AGO2: variants seen among roughly 807,000 people sequenced by gnomAD.
AGO2 encodes the protein argonaute RISC catalytic component 2.
AGO2 carries 5 observed loss-of-function variants against 102.3 expected under a neutral mutation model. The ratio of observed to expected loss-of-function variants is 0.05; its 90% CI spans 0.03 to 0.10. The LOEUF is 0.10. AGO2 is among the 10% of genes least tolerant of loss of function. The pLI is 1.00. For missense variants in AGO2, 541 were observed against 1,183.7 expected, an observed-to-expected ratio of 0.46 and a Z score of 7.97; for synonymous variants, 449 against 473.1, an observed-to-expected ratio of 0.95 and a Z score of 0.66.
intron 1 of AGO2, among the ~76,000 whole-genome samples, chr8:140,590,864 G>A (rs2073737704): frequency 1.3e-5 from 2 of 152,198 alleles, no homozygotes; most frequent in Non-Finnish European, 1.5e-5. Context: ...TTGCCCTGGG[G>A]ACAGATCCTG....
At chr8:140,638,198 GGGCTGACAAAGCCCTC>G (rs2074422317), upstream of AGO2, 1 of 152,286 alleles carries the variant, frequency 6.6e-6, no homozygotes, top group Non-Finnish European at 1.5e-5. Flanking sequence ...TGAGGCCACA[GGGCTGACAAAGCCCTC>G]GGCTTTGGGG....
chr8:140,535,284 C>A, intron 17 of AGO2, 184 bp downstream of exon 17: 1 of 601,876 alleles, frequency 1.7e-6, no homozygotes, highest in Non-Finnish European at 2.9e-6. Context: ...TGCTGACCCA[C>A]CCCCCAGGCC....
intron 1 of AGO2, among the ~76,000 whole-genome samples, chr8:140,588,898 G>A (rs1311944487): frequency 1.3e-5 from 2 of 152,218 alleles, no homozygotes; most frequent in Admixed American, 6.5e-5. Flanking sequence ...TCACTGAATC[G>A]GCATCACTCA....
intron 11 of AGO2, among the ~76,000 whole-genome samples, chr8:140,550,004 G>C (rs2072969224): frequency 6.6e-6 from 1 of 152,220 alleles, no homozygotes; most frequent in Non-Finnish European, 1.5e-5. Flanking sequence ...ATCAGGTCAA[G>C]AAACACGTGT....
In AGO2 at chr8:140,557,143, G is replaced by A. The variant is rs368528659; in HGVS notation, c.972C>T (p.His324=). The change falls in exon 8 of 19, where the codon CAC becomes CAT. Residue 324 remains histidine, a synonymous_variant. Transcript: ENST00000220592. This position sits in a 1 kb window ranked among gnomAD's most constrained non-coding sequence, Gnocchi z 5.9. ...DRHKLVLRYP[H]LPCLQVGQEQ... is the part of the protein sequence containing the mutation. ...CCTGTCCGACTTGTAAACATGGGAG[G>A]TGGGGGTAGCGCAGAACCAACTTGT... The A allele has an allele frequency of 1.2e-6, 2 of 1,614,126 alleles. No individual in the cohort carries two copies. The highest frequency in any genetic ancestry group is 8.5e-7 in the Non-Finnish European group (1 of 1,180,010).
At chr8:140,547,778 G>A (rs910442262) in intron 12 of AGO2, 151 bp from the exon 13 acceptor site, 3 of 1,176,368 alleles carry the variant, frequency 2.6e-6, no homozygotes, top group South Asian at 3.3e-5. Flanking sequence ...TCTGTCCGAG[G>A]TCGGTGATAG....
At position 140,632,010 on chromosome 8, in the gene AGO2, G is replaced by A. The variant is rs1275567879; in HGVS notation, c.22+3475C>T. ...TAAAACTCAAATGTTATGTTTTGAA[G>A]ATTCACAGTAACGATTCGTGAAACA... On this transcript the variant is annotated intron_variant, in intron 1 of 18. Coordinates refer to ENST00000220592, the MANE Select transcript of AGO2 (RefSeq NM_012154.5). Among the ~76,000 whole-genome samples, 3 of 152,162 alleles carry A rather than the reference G, an allele frequency of 2.0e-5. No homozygotes were observed. The East Asian group carries it at 5.8e-4, about 29-fold the overall frequency.
At chr8:140,631,241 A>G (rs751401423) in intron 1 of AGO2, among the ~76,000 whole-genome samples, 7 of 152,176 alleles carry the variant, frequency 4.6e-5, no homozygotes, top group Admixed American at 2.6e-4. Context: ...TCTGAAGAAA[A>G]GAGATTTTAA....
chr8:140,575,175 C>T (rs944451812), intron 2 of AGO2, among the ~76,000 whole-genome samples: 14 of 152,104 alleles, frequency 9.2e-5, no homozygotes, highest in East Asian at 1.9e-4. Context: ...CCCCGAAGGC[C>T]GTCAGCATGG....
chr8:140,558,971 G>A (rs898700350), intron 6 of AGO2, among the ~76,000 whole-genome samples: 3 of 152,286 alleles, frequency 2.0e-5, no homozygotes, highest in East Asian at 3.9e-4. Context: ...AGGACCCCGG[G>A]TAAGTCCTAG....
At chr8:140,585,974 T>C (rs2073648802) in intron 1 of AGO2, among the ~76,000 whole-genome samples, 1 of 152,226 alleles carries the variant, frequency 6.6e-6, no homozygotes, top group South Asian at 2.1e-4. Context: ...TTGAATTATT[T>C]GCTTTTTTGT....
intron 13 of AGO2, among the ~76,000 whole-genome samples, chr8:140,546,573 C>T (rs1419437093): frequency 1.3e-5 from 2 of 152,220 alleles, no homozygotes; most frequent in Non-Finnish European, 2.9e-5. Context: ...TCTGTGACGG[C>T]GTGCCAGTGA....
At chr8:140,632,599 G>A (rs1256916576) in intron 1 of AGO2, among the ~76,000 whole-genome samples, 3 of 152,110 alleles carry the variant, frequency 2.0e-5, no homozygotes, top group Non-Finnish European at 4.4e-5. Context: ...AATATCCTGG[G>A]GGCAGGCAAT....
intron 17 of AGO2, among the ~76,000 whole-genome samples, chr8:140,533,433 C>T (rs145162862): frequency 2.2e-4 from 33 of 149,462 alleles, no homozygotes; most frequent in African/African-American, 6.9e-4. Flanking sequence ...TGAAAGTGGA[C>T]GTAACAAGGA....
rs1242749504 is a variant in AGO2 at position 140,583,850 on chromosome 8, G to A, written c.215+1269C>T. On this transcript the variant is annotated intron_variant, in intron 2 of 18. Transcript: ENST00000220592. ...AGTTCATGCCACTGGACTCCAGGGT[G>A]ACAGAGCAAGACTCCATCTCAAAAG... is the stretch of plus-strand genomic sequence containing the variant. 4.6e-5 allele frequency among the ~76,000 whole-genome samples: 7 copies of A among 152,140 alleles called. No homozygotes were observed. In the South Asian group the frequency reaches 8.3e-4, roughly 18 times the overall value.
At chr8:140,630,507 G>C (rs570851716) in intron 1 of AGO2, among the ~76,000 whole-genome samples, 10 of 152,382 alleles carry the variant, frequency 6.6e-5, no homozygotes, top group South Asian at 4.1e-4. Context: ...CAGCGAACAA[G>C]TGCAGGCCCC....
chr8:140,558,608 T>C, intron 6 of AGO2, 36 bp from the exon 7 acceptor site: 1 of 1,604,862 alleles, frequency 6.2e-7, no homozygotes, highest in Non-Finnish European at 8.5e-7. Context: ...GCATCGGGGC[T>C]GTCCCGACCT....
intron 1 of AGO2, among the ~76,000 whole-genome samples, chr8:140,634,536 CAGG>C (rs1236066525): frequency 5.3e-5 from 8 of 152,230 alleles, no homozygotes; most frequent in Non-Finnish European, 5.9e-5. Flanking sequence ...ACGCCAAAAG[CAGG>C]AGAACACCTG....
intron 1 of AGO2, among the ~76,000 whole-genome samples, chr8:140,603,568 G>A (rs970238881): frequency 6.6e-6 from 1 of 152,224 alleles, no homozygotes; most frequent in African/African-American, 2.4e-5. Flanking sequence ...ACACGCACCT[G>A]CATTCTGTCT....
Sources: allele counts gnomAD v4.1 joint callset (sites outside exome capture counted in the v4.1 genomes callset), GRCh38; gene constraint gnomAD v4.1.1; non-coding constraint Gnocchi (gnomAD v3.1); transcripts MANE v1.5; gene names NCBI Gene and HGNC (gene_info 2026-07-23, HGNC 2026-07-21).